CTNNA3: variants seen among roughly 807,000 people sequenced by gnomAD.
CTNNA3 encodes catenin alpha-3.
A neutral mutation model predicts 95.7 loss-of-function variants in CTNNA3; 76 were observed. The observed-to-expected ratio is 0.79, with a 90% CI of 0.66 to 0.96. CTNNA3 has a LOEUF of 0.96. CTNNA3 is among the 40% of genes least tolerant of loss of function. The probability of loss-of-function intolerance (pLI) is 0.00; values close to 1 mark genes in which losing one functional copy is unlikely to be tolerated. For missense variants in CTNNA3, 1,191 were observed against 1,089.8 expected, an observed-to-expected ratio of 1.09 and a Z score of -1.31; for synonymous variants, 431 against 374.4, an observed-to-expected ratio of 1.15 and a Z score of -1.74.
intron 11 of CTNNA3, among the ~76,000 whole-genome samples, chr10:66,491,258 C>T (rs551305411): frequency 2.6e-5 from 4 of 152,246 alleles, no homozygotes; most frequent in Non-Finnish European, 5.9e-5. Context: ...AATAGCATAT[C>T]ATGTTTTATT....
Position 66,361,444 on chromosome 10 carries a change from TTC to T in CTNNA3, c.1732+17706_1732+17707del, listed in dbSNP as rs2092674496. ...CCTTTCCTTCTTTCTTTTCTTTTCTTTCTCTCTTTCTTTATCTTTCTCTTTCT... is the reference window on the plus strand; with the variant it reads ...CCTTTCCTTCTTTCTTTTCTTTTCTTTCTCTTTCTTTATCTTTCTCTTTCT... On this transcript the variant is annotated intron_variant, in intron 12 of 17. Coordinates refer to ENST00000433211, the MANE Select transcript of CTNNA3 (RefSeq NM_013266.4). Among the ~76,000 whole-genome samples the T allele has an allele frequency of 8.7e-5, 13 of 149,824 alleles. No individual in the cohort carries two copies. The South Asian group carries it at 2.6e-3, about 30-fold the overall frequency.
chr10:67,556,651 C>T (rs1841267524), intron 3 of CTNNA3, among the ~76,000 whole-genome samples: 1 of 151,996 alleles, frequency 6.6e-6, no homozygotes, highest in Non-Finnish European at 1.5e-5. Context: ...CTCTTTTCTT[C>T]TTTATTAGTC....
At chr10:66,446,878 T>A (rs1002047221) in intron 11 of CTNNA3, among the ~76,000 whole-genome samples, 1 of 151,932 alleles carries the variant, frequency 6.6e-6, no homozygotes, top group Non-Finnish European at 1.5e-5. Flanking sequence ...AAAGAGGAAG[T>A]CAAATTGTCC....
At chr10:67,702,442 C>G (rs141507827) in intron 1 of CTNNA3, among the ~76,000 whole-genome samples, 8,256 of 152,272 alleles carry the variant, frequency 0.054, 314 homozygotes, top group Middle Eastern at 0.11. Flanking sequence ...GACCACAGTG[C>G]AATCAAACTA....
At chr10:67,726,363 A>ATATATTATATATAATATT (rs1564841029) in intron 1 of CTNNA3, among the ~76,000 whole-genome samples, 1 of 41,618 alleles carries the variant, frequency 2.4e-5, no homozygotes, top group African/African-American at 1.3e-4. Context: ...TATATGATAT[A>ATATATTATATATAATATT]ATATATGATA....
intron 6 of CTNNA3, among the ~76,000 whole-genome samples, chr10:67,185,211 C>A (rs1034192788): frequency 4.6e-5 from 7 of 151,854 alleles, no homozygotes; most frequent in Non-Finnish European, 7.4e-5. Flanking sequence ...TCACTGCAAC[C>A]TCTACCCCCA....
chr10:66,316,996 G>A (rs975698897), intron 12 of CTNNA3, among the ~76,000 whole-genome samples: 1 of 152,146 alleles, frequency 6.6e-6, no homozygotes, highest in South Asian at 2.1e-4. Flanking sequence ...TAAGATAGAT[G>A]AAAGTTCATA....
At chr10:66,711,724 A>G (rs1309023872) in intron 9 of CTNNA3, among the ~76,000 whole-genome samples, 1 of 151,620 alleles carries the variant, frequency 6.6e-6, no homozygotes, top group Non-Finnish European at 1.5e-5. Context: ...AATTTTTTGT[A>G]AATTTTAGTA....
At chr10:65,986,420 A>G (rs1002873751) in intron 16 of CTNNA3, among the ~76,000 whole-genome samples, 3 of 151,514 alleles carry the variant, frequency 2.0e-5, no homozygotes, top group Admixed American at 1.3e-4. Context: ...TTTACACACA[A>G]ATAGTGAACA....
chr10:67,698,989 C>T (rs1841011447), upstream of CTNNA3, among the ~76,000 whole-genome samples: 1 of 152,114 alleles, frequency 6.6e-6, no homozygotes, highest in Non-Finnish European at 1.5e-5. Flanking sequence ...TATAAACCCA[C>T]TAACACCGAG....
chr10:67,262,476 T>C (rs1054793680), intron 5 of CTNNA3, among the ~76,000 whole-genome samples: 11 of 152,104 alleles, frequency 7.2e-5, no homozygotes, highest in Non-Finnish European at 1.6e-4. Flanking sequence ...CCCCAACTTA[T>C]ATTAGTCAGA....
At chr10:66,096,285 T>C (rs1312246401) in intron 14 of CTNNA3, among the ~76,000 whole-genome samples, 3 of 152,146 alleles carry the variant, frequency 2.0e-5, no homozygotes, top group African/African-American at 7.2e-5. Flanking sequence ...ATTTAGTATT[T>C]AGACCTTATT....
At chr10:66,470,851 G>A (rs1176080275) in intron 11 of CTNNA3, among the ~76,000 whole-genome samples, 1 of 151,598 alleles carries the variant, frequency 6.6e-6, no homozygotes, top group Non-Finnish European at 1.5e-5. Context: ...GACTGCATGA[G>A]GTAAAAAAAT....
At chr10:66,000,278 G>A (rs2078745180) in intron 15 of CTNNA3, among the ~76,000 whole-genome samples, 2 of 151,544 alleles carry the variant, frequency 1.3e-5, no homozygotes. Flanking sequence ...TCCTATCCCT[G>A]ACCTCATCTC....
At chr10:65,986,182 T>C (rs2133317841) in intron 16 of CTNNA3, among the ~76,000 whole-genome samples, 1 of 151,538 alleles carries the variant, frequency 6.6e-6, no homozygotes, top group Admixed American at 6.6e-5. Context: ...TCCTGTACCT[T>C]ATTTACCCTG....
intron 5 of CTNNA3, among the ~76,000 whole-genome samples, chr10:67,283,802 G>A (rs865880164): frequency 3.7e-4 from 56 of 152,248 alleles, no homozygotes; most frequent in African/African-American, 1.0e-3. Context: ...CTTCAGAGGA[G>A]GCAAGAATTG....
chr10:66,611,458 G>C (rs537066963), intron 10 of CTNNA3, among the ~76,000 whole-genome samples: 18 of 152,104 alleles, frequency 1.2e-4, no homozygotes, highest in African/African-American at 2.9e-4. Context: ...ATAACTGATA[G>C]TAAAAAGAAT....
At chr10:66,690,897 C>T (rs1040176506) in intron 9 of CTNNA3, among the ~76,000 whole-genome samples, 2 of 152,194 alleles carry the variant, frequency 1.3e-5, no homozygotes, top group African/African-American at 4.8e-5. Flanking sequence ...GGAATTGCCA[C>T]ACTGACTTCC....
intron 12 of CTNNA3, among the ~76,000 whole-genome samples, chr10:66,367,168 G>T (rs928775946): frequency 1.3e-5 from 2 of 152,112 alleles, no homozygotes; most frequent in Non-Finnish European, 2.9e-5. Context: ...GCCAAGCCAT[G>T]CTATGTAACT....
Sources: allele counts gnomAD v4.1 joint callset (sites outside exome capture counted in the v4.1 genomes callset), GRCh38; gene constraint gnomAD v4.1.1; transcripts MANE v1.5; gene names NCBI Gene and HGNC (gene_info 2026-07-23, HGNC 2026-07-21).